Variants in ESR2 observed in about 807,000 individuals in gnomAD.
ESR2 encodes the protein estrogen receptor 2, also known as estrogen receptor beta.
A neutral mutation model predicts 49.6 loss-of-function variants in ESR2; 36 were observed. The observed-to-expected ratio is 0.73, with a 90% CI of 0.56 to 0.96. The LOEUF is 0.96. Ranked by LOEUF, ESR2 falls within the 40% of genes least tolerant of loss-of-function variation. ESR2 has a pLI of 0.00. For synonymous variants in ESR2, 320 were observed against 266.1 expected, an observed-to-expected ratio of 1.20 and a Z score of -1.97; for missense variants, 714 against 693.0, an observed-to-expected ratio of 1.03 and a Z score of -0.34.
At chr14:64,246,980 G>C (rs1199528651) in intron 7 of ESR2, among the ~76,000 whole-genome samples, 1 of 152,008 alleles carries the variant, frequency 6.6e-6, no homozygotes, top group Non-Finnish European at 1.5e-5. Context: ...ACCTTCACAT[G>C]GCCTTCAGAT....
At position 64,229,520 on chromosome 14, in the gene ESR2, G is replaced by T. The variant is rs1025356811; in HGVS notation, c.*3617C>A. Among the ~76,000 whole-genome samples, 3 of 152,150 alleles carry T rather than the reference G, an allele frequency of 2.0e-5. No individual in the cohort carries two copies. The highest frequency in any genetic ancestry group is 2.0e-4 in the Admixed American group (3 of 15,278). On this transcript the variant is annotated 3_prime_UTR_variant, in exon 9 of 9. Transcript: ENST00000341099. Reference sequence around the variant, plus strand: ...CTGGACATTGTGGTGGGAGGTAAGGGGGTATCACAAGGGGGCCCCATTTAA... The same window carrying T: ...CTGGACATTGTGGTGGGAGGTAAGGTGGTATCACAAGGGGGCCCCATTTAA...
At chr14:64,296,733 A>T (rs774187043), upstream of ESR2, among the ~76,000 whole-genome samples, 47 of 152,236 alleles carry the variant, frequency 3.1e-4, no homozygotes, top group Non-Finnish European at 5.9e-4. Flanking sequence ...CATTCTACAC[A>T]CAGGAACAGC....
At position 64,249,529 on chromosome 14, in the gene ESR2, G is replaced by C. The variant is rs755463625; in HGVS notation, c.1225+17C>G. ...TCTCTCCCCGATAAAACATGGCCCA[G>C]CTGTGTGATTACTTACTGGAATTGA... is the stretch of plus-strand genomic sequence containing the variant. On this transcript the variant is annotated intron_variant, in intron 7 of 8. Transcript: ENST00000341099. 6.2e-7 allele frequency: 1 copy of C among 1,612,508 alleles called. No homozygotes were observed. Among genetic ancestry groups the C allele is most frequent in the Non-Finnish European group, 8.5e-7 (1 of 1,179,394 alleles).
At chr14:64,319,554 T>C (rs1232786620) in intron 1 of ESR2, among the ~76,000 whole-genome samples, 3 of 152,142 alleles carry the variant, frequency 2.0e-5, no homozygotes, top group Admixed American at 1.3e-4. Flanking sequence ...TCCCAAAATA[T>C]ACAAATAAAA....
chr14:64,309,333 C>T (rs1019423667), intron 1 of ESR2, among the ~76,000 whole-genome samples: 1 of 152,092 alleles, frequency 6.6e-6, no homozygotes, highest in African/African-American at 2.4e-5. Context: ...AATCTTAGGC[C>T]GGGTGCAGTG....
intron 1 of ESR2, among the ~76,000 whole-genome samples, chr14:64,307,728 G>T (rs2077125525): frequency 6.6e-6 from 1 of 151,878 alleles, no homozygotes; most frequent in African/African-American, 2.4e-5. Context: ...GTAGAGACTG[G>T]GTTACACTGT....
chr14:64,293,822 G>A (rs967432098), intron 1 of ESR2, among the ~76,000 whole-genome samples: 1 of 152,140 alleles, frequency 6.6e-6, no homozygotes, highest in Admixed American at 6.5e-5. Flanking sequence ...CAGAGCTCAC[G>A]GCACAAACTA....
At chr14:64,249,107 T>C (rs1208145609) in intron 7 of ESR2, among the ~76,000 whole-genome samples, 1 of 152,192 alleles carries the variant, frequency 6.6e-6, no homozygotes, top group African/African-American at 2.4e-5. Context: ...TTTTTAATGA[T>C]TTGTTTTCTC....
intron 1 of ESR2, among the ~76,000 whole-genome samples, chr14:64,324,133 C>T (rs2077361240): frequency 6.6e-6 from 1 of 152,172 alleles, no homozygotes; most frequent in Non-Finnish European, 1.5e-5. Flanking sequence ...CTGCACCGCG[C>T]CGCCTGGTAC....
chr14:64,241,473 T>A (rs959892849), intron 7 of ESR2, among the ~76,000 whole-genome samples: 3 of 152,234 alleles, frequency 2.0e-5, no homozygotes, highest in African/African-American at 7.2e-5. Flanking sequence ...AGAATCAGCT[T>A]ATCAATTTCT....
At chr14:64,263,857 CATAG>C (rs1253104717) in intron 4 of ESR2, among the ~76,000 whole-genome samples, 1 of 151,988 alleles carries the variant, frequency 6.6e-6, no homozygotes, top group African/African-American at 2.4e-5. Flanking sequence ...CTACAAAGGC[CATAG>C]ATATTTTGCA....
chr14:64,234,807 G>A (rs942343483), intron 8 of ESR2, 163 bp downstream of exon 8: 1 of 1,408,888 alleles, frequency 7.1e-7, no homozygotes, highest in African/African-American at 1.4e-5. Flanking sequence ...TGCCCACTCT[G>A]TGCCCATCTT....
At chr14:64,256,957 G>A (rs1323890487) in intron 6 of ESR2, among the ~76,000 whole-genome samples, 1 of 152,070 alleles carries the variant, frequency 6.6e-6, no homozygotes, top group East Asian at 1.9e-4. Context: ...ACACATAGTG[G>A]CCACATACCT....
In ESR2 at chr14:64,287,563, G is replaced by C. The variant is rs75809585; in HGVS notation, c.-90-4488C>G. Among the ~76,000 whole-genome samples, 147 of 152,280 alleles carry C rather than the reference G, an allele frequency of 9.7e-4. 3 individuals are homozygous for C. In the East Asian group the frequency reaches 0.024, roughly 25 times the overall value. On this transcript the variant is annotated intron_variant, in intron 1 of 8. Coordinates refer to ENST00000341099, the MANE Select transcript of ESR2 (RefSeq NM_001437.3). ...TTCACAGATTAACTCTTTGTCAGTGGCATCTTGAATAGTTAGGTACTTGGT... is the reference window on the plus strand; with the variant it reads ...TTCACAGATTAACTCTTTGTCAGTGCCATCTTGAATAGTTAGGTACTTGGT...
intron 6 of ESR2, among the ~76,000 whole-genome samples, chr14:64,251,420 C>CACAA (rs2075987611): frequency 6.7e-6 from 1 of 150,194 alleles, no homozygotes; most frequent in Non-Finnish European, 1.5e-5. Context: ...CATACACACA[C>CACAA]ACACACACAC....
intron 1 of ESR2, among the ~76,000 whole-genome samples, chr14:64,288,825 A>G (rs1003876681): frequency 4.6e-5 from 7 of 151,480 alleles, no homozygotes; most frequent in Non-Finnish European, 8.8e-5. Context: ...AGTCTCTACT[A>G]AAAATACAAA....
At chr14:64,248,531 A>G (rs555330510) in intron 7 of ESR2, among the ~76,000 whole-genome samples, 43 of 151,748 alleles carry the variant, frequency 2.8e-4, no homozygotes, top group Non-Finnish European at 5.3e-4. Context: ...AAGAAAAAAA[A>G]AAAGAAAGAA....
At chr14:64,267,170 C>T (rs1460713965) in intron 4 of ESR2, among the ~76,000 whole-genome samples, 3 of 152,192 alleles carry the variant, frequency 2.0e-5, no homozygotes, top group African/African-American at 7.2e-5. Context: ...TGAGCCACCG[C>T]ACCCGGCCTT....
chr14:64,235,481 A>T (rs2075576972), intron 7 of ESR2, among the ~76,000 whole-genome samples: 1 of 152,238 alleles, frequency 6.6e-6, no homozygotes, highest in African/African-American at 2.4e-5. Context: ...GCAGCAACAG[A>T]TACAGAGATG....
Sources: gnomAD v4.1 joint callset for allele counts (sites outside exome capture counted in the v4.1 genomes callset) on GRCh38, gnomAD v4.1.1 for gene constraint, MANE v1.5 for transcripts, NCBI Gene and HGNC (gene_info 2026-07-23, HGNC 2026-07-21) for gene names.